Variants in DZANK1 observed in about 807,000 individuals in gnomAD.
DZANK1 encodes double zinc ribbon and ankyrin repeat domains 1, also known as double zinc ribbon and ankyrin repeat-containing protein 1.
DZANK1 carries 91 observed loss-of-function variants against 94.5 expected under a neutral mutation model. The ratio of observed to expected loss-of-function variants is 0.96; its 90% CI spans 0.81 to 1.15. DZANK1 has a LOEUF of 1.15. Ranked by LOEUF, DZANK1 falls within the 50% of genes most tolerant of loss-of-function variation. The pLI, the probability that DZANK1 is intolerant of heterozygous loss-of-function variation, is 0.00. For missense variants in DZANK1, 903 were observed against 916.4 expected, an observed-to-expected ratio of 0.99 and a Z score of 0.19; for synonymous variants, 312 against 325.3, an observed-to-expected ratio of 0.96 and a Z score of 0.44.
intron 9 of DZANK1, among the ~76,000 whole-genome samples, chr20:18,429,057 A>G (rs1311150667): frequency 6.6e-6 from 1 of 152,242 alleles, no homozygotes; most frequent in Non-Finnish European, 1.5e-5. Flanking sequence ...TTGCCACAGC[A>G]TAATCAGCAA....
At chr20:18,385,138 A>G in intron 19 of DZANK1, 48 bp from the exon 20 acceptor site, 2 of 1,531,820 alleles carry the variant, frequency 1.3e-6, no homozygotes, top group East Asian at 4.9e-5. Flanking sequence ...TAGCATCATC[A>G]GGAAACTGGA....
intron 7 of DZANK1, among the ~76,000 whole-genome samples, chr20:18,447,408 G>A (rs893973763): frequency 5.3e-5 from 8 of 152,152 alleles, no homozygotes; most frequent in African/African-American, 1.4e-4. Context: ...TGCAACCTCC[G>A]CCTCCCGGGT....
At chr20:18,459,445 A>G (rs763173257) in intron 3 of DZANK1, among the ~76,000 whole-genome samples, 4 of 152,234 alleles carry the variant, frequency 2.6e-5, no homozygotes, top group African/African-American at 4.8e-5. Context: ...TACCTGGGCC[A>G]GCCAGGTACT....
chr20:18,431,982 G>A (rs2148606852), intron 9 of DZANK1, among the ~76,000 whole-genome samples: 1 of 152,236 alleles, frequency 6.6e-6, no homozygotes, highest in East Asian at 1.9e-4. Context: ...TCATAAAAAT[G>A]TCTCTTATAA....
chr20:18,465,155 G>A (rs2059600671), intron 2 of DZANK1, 95 bp downstream of exon 2: 6 of 809,004 alleles, frequency 7.4e-6, no homozygotes, highest in Non-Finnish European at 1.1e-5. Context: ...TGAGCAAAGA[G>A]TGAGAAAGCA....
At chr20:18,389,596 G>C in intron 19 of DZANK1, 105 bp downstream of exon 19, 6 of 1,464,998 alleles carry the variant, frequency 4.1e-6, no homozygotes, top group Non-Finnish European at 5.5e-6. Flanking sequence ...GGTTAAAGTG[G>C]CTGAAACTGA....
intron 10 of DZANK1, among the ~76,000 whole-genome samples, chr20:18,419,261 C>CAAA (rs61274655): frequency 5.1e-5 from 4 of 78,014 alleles, no homozygotes; most frequent in South Asian, 4.4e-4. Flanking sequence ...GACTCCATCT[C>CAAA]AAAAAAAAAA....
At chr20:18,436,314 G>A (rs1398683847) in intron 8 of DZANK1, among the ~76,000 whole-genome samples, 1 of 151,912 alleles carries the variant, frequency 6.6e-6, no homozygotes, top group Non-Finnish European at 1.5e-5. Context: ...GCCAGAGGCG[G>A]GCGCCTGTAG....
At chr20:18,438,113 G>A (rs541181779) in intron 8 of DZANK1, among the ~76,000 whole-genome samples, 2 of 150,842 alleles carry the variant, frequency 1.3e-5, no homozygotes, top group African/African-American at 4.9e-5. Flanking sequence ...CAGCTACTCG[G>A]GAGGCTGAGG....
At chr20:18,412,567 A>G (rs2057306994) in intron 13 of DZANK1, 79 bp downstream of exon 13, 1 of 1,383,554 alleles carries the variant, frequency 7.2e-7, no homozygotes, top group Non-Finnish European at 1.0e-6. Flanking sequence ...TAAATCTAAA[A>G]GGAAGAGAAA....
intron 15 of DZANK1, among the ~76,000 whole-genome samples, chr20:18,395,322 A>T (rs894896244): frequency 6.6e-6 from 1 of 152,210 alleles, no homozygotes; most frequent in African/African-American, 2.4e-5. Context: ...AGATTGTGCT[A>T]CTGCACTCCA....
chr20:18,453,908 G>C lies in DZANK1; in HGVS notation c.379-81C>G, dbSNP rs1427270628. On this transcript the variant is annotated intron_variant, in intron 4 of 20. Coordinates refer to ENST00000262547, the Ensembl canonical transcript of DZANK1. ...AGCTGCATGATAGAGAAAGTGTCAT[G>C]GTGTGCATTTCTTATTTGAAAGAGT... 4.4e-6 allele frequency: 4 copies of C among 913,736 alleles called. No homozygotes were observed. In the Admixed American group the frequency reaches 6.8e-5, roughly 15 times the overall value. The allele number at this position is 913,736 out of a possible 1,614,324, so 56.6% of individuals were successfully genotyped here.
At position 18,441,439 on chromosome 20, in the gene DZANK1, C is replaced by A. The variant is rs1182254980; in HGVS notation, c.747+1908G>T. ...ACAACTAATTTGAACAGGAAAAGTT[C>A]ATATAAATAGTTATTAACTGGTATC... On this transcript the variant is annotated intron_variant, in intron 8 of 20. Coordinates refer to ENST00000262547, the Ensembl canonical transcript of DZANK1. This position sits in a 1 kb window ranked among gnomAD's most constrained non-coding sequence, Gnocchi z 4.1. 6.6e-6 allele frequency among the ~76,000 whole-genome samples: 1 copy of A among 152,182 alleles called. No individual in the cohort carries two copies. Among genetic ancestry groups the A allele is most frequent in the Non-Finnish European group, 1.5e-5 (1 of 68,034 alleles).
At position 18,452,759 on chromosome 20, in the gene DZANK1, A is replaced by G; in HGVS notation, c.476-77T>C. On this transcript the variant is annotated intron_variant, in intron 5 of 20. Transcript: ENST00000262547. ...GGACGTCTACAATGATATTAAAAAC[A>G]TTATTCTTTGAGCATCTGTAATTAT... The G allele has an allele frequency of 4.5e-6, 7 of 1,540,250 alleles. No individual in the cohort carries two copies. Among genetic ancestry groups the G allele is most frequent in the Non-Finnish European group, 6.1e-6 (7 of 1,143,984 alleles).
At chr20:18,393,891 C>A (rs1374145114) in intron 16 of DZANK1, 80 bp from the exon 17 acceptor site, 18 of 967,104 alleles carry the variant, frequency 1.9e-5, no homozygotes, top group Non-Finnish European at 2.7e-5. Context: ...ACTTCCACGT[C>A]CCTCAAAAGT....
At chr20:18,440,240 T>C (rs980918638) in intron 8 of DZANK1, among the ~76,000 whole-genome samples, 1 of 152,146 alleles carries the variant, frequency 6.6e-6, no homozygotes, top group Admixed American at 6.5e-5. Context: ...GTGGCAACCT[T>C]AGCAAACTGA....
chr20:18,463,496 T>C (rs2059543202), intron 2 of DZANK1, among the ~76,000 whole-genome samples: 1 of 112,114 alleles, frequency 8.9e-6, no homozygotes, highest in East Asian at 3.5e-4. Flanking sequence ...AAATAAAAGT[T>C]GTAAAAGAAA....
At chr20:18,392,478 G>A (rs1315714604) in intron 17 of DZANK1, among the ~76,000 whole-genome samples, 2 of 152,202 alleles carry the variant, frequency 1.3e-5, no homozygotes, top group East Asian at 3.8e-4. Flanking sequence ...ACCACACATG[G>A]AGGGAAGCAC....
intron 10 of DZANK1, among the ~76,000 whole-genome samples, chr20:18,419,922 GT>G (rs1174196833): frequency 6.6e-6 from 1 of 150,464 alleles, no homozygotes; most frequent in Admixed American, 6.6e-5. Context: ...TATCTTTTTG[GT>G]TTTTTCCTCT....
Sources: allele counts gnomAD v4.1 joint callset (sites outside exome capture counted in the v4.1 genomes callset), GRCh38; gene constraint gnomAD v4.1.1; non-coding constraint Gnocchi (gnomAD v3.1); transcripts MANE v1.5; gene names NCBI Gene and HGNC (gene_info 2026-07-23, HGNC 2026-07-21).